CNTN3: variants seen among roughly 807,000 people sequenced by gnomAD.
The protein encoded by CNTN3 is contactin-3.
Under a neutral mutation model 119.1 loss-of-function variants are expected in CNTN3, and 60 were observed. That is an observed-to-expected ratio of 0.50 (90% CI 0.41 to 0.62). The LOEUF (loss-of-function observed/expected upper bound fraction) is 0.62, where lower values mean the gene tolerates loss of function less well. Ranked by LOEUF, CNTN3 falls within the 20% of genes least tolerant of loss-of-function variation. The pLI is 0.00. For synonymous variants in CNTN3, 450 were observed against 438.7 expected (o/e 1.03, Z -0.32); for missense variants, 1,101 against 1,242.4 (o/e 0.89, Z 1.71).
At position 74,551,754 on chromosome 3, in the gene CNTN3, C is replaced by CTTTTTTTTTTTTT. The variant is rs776621925; in HGVS notation, c.-80-30575_-80-30563dup. Among the ~76,000 whole-genome samples, 9 of 60,202 alleles carry CTTTTTTTTTTTTT rather than the reference C, an allele frequency of 1.5e-4. 1 individual carries two copies. The highest frequency in any genetic ancestry group is 2.3e-4 in the Admixed American group (1 of 4,282). 39.5% of individuals were successfully genotyped at this position (60,202 alleles called of 152,430 possible). A position where few individuals can be genotyped will look rare whatever the true frequency, so the allele number is the denominator to read the frequency against. ...AGATCTGCTTCTTCTTCTTCTTCTT[C>CTTTTTTTTTTTTT]TTTTTTTTTTTTTTTTTTTTTTTTT... is the stretch of plus-strand genomic sequence containing the variant. On this transcript the variant is annotated intron_variant, in intron 1 of 22. Transcript: ENST00000263665.
chr3:74,459,146 G>A (rs1320588472), intron 4 of CNTN3, among the ~76,000 whole-genome samples: 2 of 151,900 alleles, frequency 1.3e-5, no homozygotes, highest in African/African-American at 4.8e-5. Flanking sequence ...TCTCTGCCTT[G>A]TATCAAGGTG....
chr3:74,344,428 T>G lies in CNTN3; in HGVS notation c.1365-7770A>C, dbSNP rs1358513582. Among the ~76,000 whole-genome samples the G allele has an allele frequency of 1.8e-4, 14 of 77,268 alleles. 1 individual carries two copies. The East Asian group carries it at 2.1e-3, about 12-fold the overall frequency. The allele number at this position is 77,268 out of a possible 152,430, so 50.7% of individuals were successfully genotyped here. A position where few individuals can be genotyped will look rare whatever the true frequency, so the allele number is the denominator to read the frequency against. ...TTTTTTTTTTTTTTTTTTTTTTTTTTTTTTTTTTTTTTTTTGAGACGGAGT... is the reference window on the plus strand; with the variant it reads ...TTTTTTTTTTTTTTTTTTTTTTTTTGTTTTTTTTTTTTTTTGAGACGGAGT... On this transcript the variant is annotated intron_variant, in intron 11 of 22. Coordinates refer to ENST00000263665, the MANE Select transcript of CNTN3 (RefSeq NM_020872.3).
chr3:74,306,289 TATTTATAA>T (rs1702562944), intron 13 of CNTN3, among the ~76,000 whole-genome samples: 1 of 150,594 alleles, frequency 6.6e-6, no homozygotes. Context: ...TTATTTACCA[TATTTATAA>T]ATAAACTTGC....
At chr3:74,488,018 T>A (rs940859852) in intron 3 of CNTN3, among the ~76,000 whole-genome samples, 3 of 148,936 alleles carry the variant, frequency 2.0e-5, no homozygotes, top group Non-Finnish European at 4.5e-5. Context: ...TTATATATAA[T>A]TATACTGTAT....
At chr3:74,382,526 C>T (rs778309076) in intron 5 of CNTN3, among the ~76,000 whole-genome samples, 51 of 152,228 alleles carry the variant, frequency 3.4e-4, no homozygotes, top group Non-Finnish European at 6.3e-4. Flanking sequence ...TCCCCAACTC[C>T]CCCACCACCA....
intron 4 of CNTN3, among the ~76,000 whole-genome samples, chr3:74,439,304 C>T (rs1701922102): frequency 6.6e-6 from 1 of 151,910 alleles, no homozygotes; most frequent in African/African-American, 2.4e-5. Context: ...GCCAGGAGTT[C>T]GAGACCACCC....
intron 13 of CNTN3, among the ~76,000 whole-genome samples, chr3:74,305,211 A>G (rs984095295): frequency 4.6e-5 from 7 of 152,208 alleles, no homozygotes; most frequent in African/African-American, 1.2e-4. Flanking sequence ...ATAAAATCAC[A>G]TGGCATATGC....
chr3:74,469,188 A>G (rs1299583624), intron 4 of CNTN3, among the ~76,000 whole-genome samples: 1 of 152,172 alleles, frequency 6.6e-6, no homozygotes, highest in Non-Finnish European at 1.5e-5. Flanking sequence ...AGGCCCAGAG[A>G]GGACAAGAGG....
intron 8 of CNTN3, among the ~76,000 whole-genome samples, chr3:74,365,935 C>T (rs1182110333): frequency 2.0e-5 from 3 of 152,032 alleles, no homozygotes; most frequent in African/African-American, 7.2e-5. Flanking sequence ...TTTCCTAAGG[C>T]AAATTAATTA....
chr3:74,488,558 T>C (rs1702902582), intron 3 of CNTN3, among the ~76,000 whole-genome samples: 2 of 152,198 alleles, frequency 1.3e-5, no homozygotes, highest in Admixed American at 1.3e-4. Flanking sequence ...ATTTTCTATA[T>C]CTGAAATAAT....
rs1321907921 is a variant in CNTN3, at chr3:74,334,756, A to C, written c.1647T>G (p.Ser549=). Residue 549 remains serine (S), a synonymous_variant, in exon 13 of 23, where the codon TCT becomes TCG. Coordinates refer to ENST00000263665, the MANE Select transcript of CNTN3 (RefSeq NM_020872.3). ...TTACCCCACCAACTTTCTCAAAGTG[A>C]GATCCATCTTTCTTAAAATCTGCAA... ...GALADFKKDG[S]HFEKVGGSSS... The C allele has an allele frequency of 1.2e-6, 2 of 1,613,352 alleles. No individual in the cohort carries two copies. Among genetic ancestry groups the C allele is most frequent in the South Asian group, 2.2e-5 (2 of 90,976 alleles).
chr3:74,413,160 C>T (rs1015048692), intron 5 of CNTN3, among the ~76,000 whole-genome samples: 9 of 152,070 alleles, frequency 5.9e-5, no homozygotes, highest in Non-Finnish European at 1.2e-4. Context: ...GTTTTATTTT[C>T]TCTGTGTCAT....
At chr3:74,499,816 T>C in intron 2 of CNTN3, 31 bp from the exon 3 acceptor site, 1 of 1,567,504 alleles carries the variant, frequency 6.4e-7, no homozygotes, top group Admixed American at 2.1e-5. Context: ...CAAAAAATAA[T>C]AATCAGTAAA....
intron 1 of CNTN3, among the ~76,000 whole-genome samples, chr3:74,534,837 T>C (rs926027179): frequency 6.6e-6 from 1 of 151,884 alleles, no homozygotes; most frequent in Non-Finnish European, 1.5e-5. Context: ...TTGACCATAA[T>C]GGCAAAAACA....
intron 1 of CNTN3, among the ~76,000 whole-genome samples, chr3:74,569,723 G>A (rs1317663082): frequency 6.6e-6 from 1 of 152,166 alleles, no homozygotes; most frequent in Non-Finnish European, 1.5e-5. Context: ...CGGTTTGCAT[G>A]AGTCAAGGGT....
At chr3:74,524,679 A>C (rs960651327) in intron 1 of CNTN3, among the ~76,000 whole-genome samples, 5 of 151,820 alleles carry the variant, frequency 3.3e-5, no homozygotes, top group African/African-American at 1.2e-4. Context: ...ATCAACTACT[A>C]CTTATCTCCA....
intron 10 of CNTN3, among the ~76,000 whole-genome samples, chr3:74,362,514 T>C (rs17012431): frequency 0.059 from 9,053 of 152,228 alleles, 929 homozygotes; most frequent in African/African-American, 0.2. Context: ...ATAAAATGTT[T>C]AAATTGTTAG....
chr3:74,526,286 T>C (rs1025236193), intron 1 of CNTN3, among the ~76,000 whole-genome samples: 5 of 151,876 alleles, frequency 3.3e-5, no homozygotes, highest in African/African-American at 2.4e-5. Flanking sequence ...TGGATAAAAG[T>C]TTGATACCTT....
At chr3:74,598,923 C>A (rs905663838) in intron 1 of CNTN3, among the ~76,000 whole-genome samples, 1 of 151,876 alleles carries the variant, frequency 6.6e-6, no homozygotes, top group Non-Finnish European at 1.5e-5. Flanking sequence ...TAATTGCTAT[C>A]ATAACAAAGA....
Sources: allele counts gnomAD v4.1 joint callset (sites outside exome capture counted in the v4.1 genomes callset), GRCh38; gene constraint gnomAD v4.1.1; transcripts MANE v1.5; gene names NCBI Gene and HGNC (gene_info 2026-07-23, HGNC 2026-07-21).